The following FAM107B variants were observed in gnomAD, a reference collection of about 807,000 sequenced individuals.
FAM107B encodes the protein family with sequence similarity 107 member B.
FAM107B carries 21 observed loss-of-function variants against 31.5 expected under a neutral mutation model. That is an observed-to-expected ratio of 0.67 (90% CI 0.47 to 0.96). The LOEUF is 0.96. Ranked by LOEUF, FAM107B falls within the 40% of genes least tolerant of loss-of-function variation. FAM107B has a pLI of 0.00. For missense variants in FAM107B, 452 were observed against 377.1 expected, an observed-to-expected ratio of 1.20 and a Z score of -1.64; for synonymous variants, 157 against 141.5, an observed-to-expected ratio of 1.11 and a Z score of -0.78.
At chr10:14,765,437 G>C (rs771109586) in intron 1 of FAM107B, among the ~76,000 whole-genome samples, 1 of 152,052 alleles carries the variant, frequency 6.6e-6, no homozygotes, top group South Asian at 2.1e-4. Context: ...TCTCTTTTCC[G>C]GTTGGGATGC....
chr10:14,682,918 A>C (rs547957884), intron 1 of FAM107B, among the ~76,000 whole-genome samples: 34 of 152,214 alleles, frequency 2.2e-4, no homozygotes, highest in African/African-American at 7.7e-4. Flanking sequence ...TAAATAAATA[A>C]ATAAATAAAA....
Position 14,530,398 on chromosome 10 carries a change from A to T in FAM107B, c.587T>A (p.Ile196Asn), listed in dbSNP as rs1362844203. The T allele has an allele frequency of 6.2e-7, 1 of 1,614,040 alleles. No individual in the cohort carries two copies. Among genetic ancestry groups the T allele is most frequent in the Non-Finnish European group, 8.5e-7 (1 of 1,179,988 alleles). Residue 196 changes from isoleucine to asparagine, a missense_variant, in exon 3 of 5, where the codon ATC (isoleucine) becomes AAC (asparagine). By Grantham distance (149) the Ile-to-Asn change is moderately radical. Transcript: ENST00000181796. ...NPELIRPQKL[I>N]NPVKTSRNHQ... ...GTTCCGGGAGGTTTTTACAGGATTG[A>T]TCAGTTTCTGAGGCCTAATGAGTTC... is the stretch of plus-strand genomic sequence containing the variant.
intron 3 of FAM107B, among the ~76,000 whole-genome samples, chr10:14,527,117 G>C (rs888836401): frequency 5.3e-5 from 8 of 151,562 alleles, no homozygotes; most frequent in Non-Finnish European, 1.2e-4. Context: ...GATTACAGGC[G>C]TGAGCCACCA....
At chr10:14,583,658 G>A (rs1487102631) in intron 2 of FAM107B, among the ~76,000 whole-genome samples, 1 of 152,156 alleles carries the variant, frequency 6.6e-6, no homozygotes, top group Non-Finnish European at 1.5e-5. Flanking sequence ...AGAAGAAGAG[G>A]CTGGGCCTAA....
chr10:14,652,222 A>G lies in FAM107B; in HGVS notation c.469+15412T>C, dbSNP rs764813029. ...AATCAAAGCATGACTTTCTATGCAC[A>G]TGGAAAATTCCATGAGCTCACCCTC... On this transcript the variant is annotated intron_variant, in intron 2 of 4. Transcript: ENST00000181796. Among the ~76,000 whole-genome samples the G allele has an allele frequency of 1.8e-4, 27 of 152,326 alleles. 1 individual carries two copies. Among genetic ancestry groups the G allele is most frequent in the South Asian group, 6.2e-4 (3 of 4,828 alleles).
At chr10:14,668,285 T>C (rs1854459364) in intron 1 of FAM107B, among the ~76,000 whole-genome samples, 1 of 152,120 alleles carries the variant, frequency 6.6e-6, no homozygotes, top group African/African-American at 2.4e-5. Context: ...CCTCATGATC[T>C]GCCTGCCTTG....
chr10:14,681,051 CTG>C, intron 1 of FAM107B, among the ~76,000 whole-genome samples: 1 of 152,330 alleles, frequency 6.6e-6, no homozygotes, highest in East Asian at 1.9e-4. Context: ...GCCACCTTCA[CTG>C]TGTAGAATGC....
At chr10:14,759,732 A>G (rs1475733496) in intron 1 of FAM107B, among the ~76,000 whole-genome samples, 1 of 151,542 alleles carries the variant, frequency 6.6e-6, no homozygotes, top group Non-Finnish European at 1.5e-5. Context: ...TTTTTTTTAG[A>G]TGGAGTCTCA....
chr10:14,544,117 A>G (rs1056114917), intron 2 of FAM107B, among the ~76,000 whole-genome samples: 3 of 152,182 alleles, frequency 2.0e-5, no homozygotes, highest in Non-Finnish European at 4.4e-5. Flanking sequence ...AGAGGCCCAC[A>G]CGGGAAGGCA....
chr10:14,669,445 A>C (rs529792508), intron 1 of FAM107B, among the ~76,000 whole-genome samples: 1 of 151,998 alleles, frequency 6.6e-6, no homozygotes, highest in South Asian at 2.1e-4. Flanking sequence ...CTGCACGCCC[A>C]TATTTATTTG....
At chr10:14,533,510 G>GTGACTCGCTCTCCTTTACCTGAC (rs375221902) in intron 2 of FAM107B, among the ~76,000 whole-genome samples, 1 of 152,182 alleles carries the variant, frequency 6.6e-6, no homozygotes, top group African/African-American at 2.4e-5. Context: ...TCAAGCCTGG[G>GTGACTCGCTCTCCTTTACCTGAC]TGACTCGCTC....
intron 2 of FAM107B, among the ~76,000 whole-genome samples, chr10:14,662,017 T>C (rs1854253793): frequency 6.6e-6 from 1 of 152,238 alleles, no homozygotes; most frequent in Non-Finnish European, 1.5e-5. Context: ...CTCTTAAGTA[T>C]GGAAAATTTT....
chr10:14,769,461 T>C (rs1202469429), intron 1 of FAM107B, among the ~76,000 whole-genome samples: 1 of 152,208 alleles, frequency 6.6e-6, no homozygotes, highest in Admixed American at 6.5e-5. Flanking sequence ...CTCGGCTCAC[T>C]GCAACCTCAG....
Position 14,697,539 on chromosome 10 carries a change from G to A in FAM107B, c.412-29848C>T, listed in dbSNP as rs117634566. Among the ~76,000 whole-genome samples, 524 of 152,242 alleles carry A rather than the reference G, an allele frequency of 3.4e-3. 3 individuals are homozygous for A. Among genetic ancestry groups the A allele is most frequent in the Admixed American group, 0.015 (224 of 15,288 alleles). On this transcript the variant is annotated intron_variant, in intron 1 of 4. Coordinates refer to ENST00000181796, the MANE Select transcript of FAM107B (RefSeq NM_031453.4). ...CAGAATCTGTTTTTCTTCCTCTTAC[G>A]ATAGCCTTGAAGGAACAGAGATGAG...
chr10:14,588,461 G>GTGAAA (rs1851913242), intron 2 of FAM107B, among the ~76,000 whole-genome samples: 2 of 152,166 alleles, frequency 1.3e-5, no homozygotes, highest in South Asian at 4.1e-4. Flanking sequence ...CCACGCCCAC[G>GTGAAA]TGAAAGTCTC....
chr10:14,536,617 G>A (rs1847639741), intron 2 of FAM107B, among the ~76,000 whole-genome samples: 1 of 152,144 alleles, frequency 6.6e-6, no homozygotes, highest in Non-Finnish European at 1.5e-5. Context: ...TGACTTGCCT[G>A]GCCCTAAGGC....
At chr10:14,671,894 A>C (rs1360737487) in intron 1 of FAM107B, among the ~76,000 whole-genome samples, 12 of 146,030 alleles carry the variant, frequency 8.2e-5, no homozygotes, top group Non-Finnish European at 1.8e-4. Context: ...ACAAAAAAAC[A>C]AAAAAAAAAC....
At chr10:14,598,882 C>T (rs919944736) in intron 2 of FAM107B, among the ~76,000 whole-genome samples, 7 of 152,232 alleles carry the variant, frequency 4.6e-5, no homozygotes, top group East Asian at 3.9e-4. Flanking sequence ...CAAGGGGTTA[C>T]GGGACTTGCT....
In FAM107B at chr10:14,644,207, T is replaced by C. The variant is rs115878842; in HGVS notation, c.469+23427A>G. ...TACAATGATACAATGATAATGATGATGGCTAACATTTATCAAATGCTTACT... is the reference window on the plus strand; with the variant it reads ...TACAATGATACAATGATAATGATGACGGCTAACATTTATCAAATGCTTACT... On this transcript the variant is annotated intron_variant, in intron 2 of 4. Coordinates refer to ENST00000181796, the MANE Select transcript of FAM107B (RefSeq NM_031453.4). Among the ~76,000 whole-genome samples, 769 of 152,348 alleles carry C rather than the reference T, an allele frequency of 5.0e-3. 5 individuals are homozygous for C. Among genetic ancestry groups the C allele is most frequent in the African/African-American group, 0.018 (742 of 41,572 alleles).
Sources: allele counts gnomAD v4.1 joint callset (sites outside exome capture counted in the v4.1 genomes callset), GRCh38; gene constraint gnomAD v4.1.1; transcripts MANE v1.5; gene names NCBI Gene and HGNC (gene_info 2026-07-23, HGNC 2026-07-21).